RGL1: variants seen among roughly 807,000 people sequenced by gnomAD.
The protein encoded by RGL1 is ral guanine nucleotide dissociation stimulator-like 1.
RGL1 carries 24 observed loss-of-function variants against 95.2 expected under a neutral mutation model. That is an observed-to-expected ratio of 0.25 (90% CI 0.18 to 0.35). The LOEUF is 0.35. Ranked by LOEUF, RGL1 falls within the 10% of genes least tolerant of loss-of-function variation. RGL1 has a pLI of 1.00. For missense variants in RGL1, 715 were observed against 936.3 expected, an observed-to-expected ratio of 0.76 and a Z score of 3.08; for synonymous variants, 329 against 344.9, an observed-to-expected ratio of 0.95 and a Z score of 0.51.
rs1358807492 is a variant in RGL1 at position 183,696,053 on chromosome 1, A to AT, written c.-32-46068dup. Among the ~76,000 whole-genome samples, 6 of 152,086 alleles carry AT rather than the reference A, an allele frequency of 3.9e-5. 1 individual carries two copies. In the South Asian group the frequency reaches 1.2e-3, roughly 32 times the overall value. On this transcript the variant is annotated intron_variant, in intron 1 of 18. Coordinates refer to the RGL1 transcript ENST00000304685. ...TATCTAACTATACCTGAAAATATTC[A>AT]TTTTTCCTCTTCTCTCCTAAGCCCA... is the stretch of plus-strand genomic sequence containing the variant.
chr1:183,643,570 C>T (rs1650085774), intron 1 of RGL1, among the ~76,000 whole-genome samples: 1 of 151,994 alleles, frequency 6.6e-6, no homozygotes, highest in Non-Finnish European at 1.5e-5. Context: ...GGATTACAGG[C>T]GTGAGCCACC....
At chr1:183,833,407 A>G (rs996911181) in intron 2 of RGL1, among the ~76,000 whole-genome samples, 28 of 152,184 alleles carry the variant, frequency 1.8e-4, no homozygotes, top group African/African-American at 6.5e-4. Context: ...GTTTAGAATC[A>G]CCTAGGATGC....
intron 1 of RGL1, among the ~76,000 whole-genome samples, chr1:183,717,837 G>T (rs1655721258): frequency 6.6e-6 from 1 of 152,214 alleles, no homozygotes; most frequent in African/African-American, 2.4e-5. Flanking sequence ...CCTCTCAGAG[G>T]AAGTGGCATT....
At chr1:183,685,425 T>G (rs1174688481) in intron 1 of RGL1, among the ~76,000 whole-genome samples, 2 of 152,160 alleles carry the variant, frequency 1.3e-5, no homozygotes, top group African/African-American at 4.8e-5. Context: ...TTTTAAGACT[T>G]TGGGTTTATA....
intron 2 of RGL1, among the ~76,000 whole-genome samples, chr1:183,764,491 G>C (rs921087562): frequency 2.6e-5 from 4 of 152,152 alleles, no homozygotes; most frequent in African/African-American, 7.2e-5. Context: ...GGTTTCCTGA[G>C]AAAGGAACTC....
At chr1:183,839,731 A>G (rs1168102568) in intron 2 of RGL1, among the ~76,000 whole-genome samples, 2 of 152,196 alleles carry the variant, frequency 1.3e-5, no homozygotes, top group Non-Finnish European at 2.9e-5. Flanking sequence ...CTCCATAATC[A>G]GGTAGTCTCC....
At chr1:183,923,117 T>C (rs890661131) in intron 17 of RGL1, among the ~76,000 whole-genome samples, 1 of 152,176 alleles carries the variant, frequency 6.6e-6, no homozygotes, top group Non-Finnish European at 1.5e-5. Flanking sequence ...GCAGCAAATA[T>C]TGTTGACCGA....
intron 1 of RGL1, among the ~76,000 whole-genome samples, chr1:183,683,273 T>G (rs1653347413): frequency 6.6e-6 from 1 of 152,240 alleles, no homozygotes; most frequent in African/African-American, 2.4e-5. Context: ...GTTGATGGTC[T>G]TTACAATTTG....
intron 3 of RGL1, among the ~76,000 whole-genome samples, chr1:183,849,491 T>A (rs913928872): frequency 6.6e-5 from 9 of 137,344 alleles, no homozygotes; most frequent in East Asian, 6.2e-4. Context: ...TAGTTTTTTT[T>A]TTTTTTTTTT....
intron 1 of RGL1, among the ~76,000 whole-genome samples, chr1:183,717,283 C>T (rs1655679736): frequency 6.6e-6 from 1 of 152,198 alleles, no homozygotes; most frequent in Non-Finnish European, 1.5e-5. Context: ...CTGCATCTTG[C>T]ATAGTTCATT....
At chr1:183,900,947 C>T (rs558258664) in intron 11 of RGL1, among the ~76,000 whole-genome samples, 4 of 151,198 alleles carry the variant, frequency 2.6e-5, no homozygotes, top group African/African-American at 9.7e-5. Context: ...GGTGAATCAC[C>T]TGAGGTCAGG....
intron 2 of RGL1, among the ~76,000 whole-genome samples, chr1:183,750,621 T>C (rs201506372): frequency 0.01 from 1,239 of 120,144 alleles, 19 homozygotes; most frequent in African/African-American, 0.03. Context: ...AGTTGTGATC[T>C]TTTGGAGGAG....
At chr1:183,891,312 G>A (rs1285382393) in intron 8 of RGL1, among the ~76,000 whole-genome samples, 1 of 152,082 alleles carries the variant, frequency 6.6e-6, no homozygotes, top group Non-Finnish European at 1.5e-5. Context: ...AGAAAACCAT[G>A]AGGCTCACAG....
intron 2 of RGL1, among the ~76,000 whole-genome samples, chr1:183,749,952 T>C (rs1657889040): frequency 6.6e-6 from 1 of 152,250 alleles, no homozygotes; most frequent in South Asian, 2.1e-4. Flanking sequence ...TGGGCTTCCC[T>C]TTGAGGGTAA....
At chr1:183,714,390 G>T (rs1655489991) in intron 1 of RGL1, among the ~76,000 whole-genome samples, 2 of 152,144 alleles carry the variant, frequency 1.3e-5, no homozygotes. Context: ...ATCATTTAGA[G>T]AACCTATTCC....
Position 183,926,266 on chromosome 1 carries a change from A to G in RGL1, c.2281A>G (p.Asn761Asp), listed in dbSNP as rs754844526. ...PRTAKRGCWS[N>D]RHSKITL The stretch of plus-strand genomic sequence containing the variant: ...GACAGCTAAACGGGGCTGCTGGAGT[A>G]ACAGACACAGCAAAATCACCCTCTG... The change falls in exon 18 of 18, where the codon AAC (asparagine) becomes GAC (aspartate). Residue 761 changes from asparagine (N) to aspartate (D), a missense_variant. Asn to Asp is a conservative substitution (Grantham distance 23). Coordinates refer to ENST00000360851, the MANE Select transcript of RGL1 (RefSeq NM_001297671.3). The G allele has an allele frequency of 9.3e-6, 15 of 1,612,570 alleles. No homozygotes were observed. The East Asian group carries it at 3.1e-4, about 34-fold the overall frequency.
chr1:183,856,887 T>C (rs1665187905), intron 3 of RGL1, among the ~76,000 whole-genome samples: 1 of 152,104 alleles, frequency 6.6e-6, no homozygotes, highest in South Asian at 2.1e-4. Flanking sequence ...TGGCTCACAC[T>C]TTATCAGGTG....
At chr1:183,913,594 G>T (rs974945557) in intron 15 of RGL1, among the ~76,000 whole-genome samples, 2 of 152,176 alleles carry the variant, frequency 1.3e-5, no homozygotes, top group African/African-American at 4.8e-5. Flanking sequence ...TTTGGGGAAG[G>T]TTTCTGGCTA....
At chr1:183,899,327 T>G (rs1667884318) in intron 10 of RGL1, among the ~76,000 whole-genome samples, 1 of 152,240 alleles carries the variant, frequency 6.6e-6, no homozygotes, top group Non-Finnish European at 1.5e-5. Context: ...GCATACCAAC[T>G]GCATTTTGTT....
Sources: allele counts gnomAD v4.1 joint callset (sites outside exome capture counted in the v4.1 genomes callset), GRCh38; gene constraint gnomAD v4.1.1; transcripts MANE v1.5; gene names NCBI Gene and HGNC (gene_info 2026-07-23, HGNC 2026-07-21).